CNTN5: variants seen among roughly 807,000 people sequenced by gnomAD.
CNTN5 encodes the protein contactin-5.
CNTN5 carries 77 observed loss-of-function variants against 129.1 expected under a neutral mutation model. The observed-to-expected ratio is 0.60, with a 90% CI of 0.50 to 0.72. CNTN5 has a LOEUF of 0.72. Among genes scored for constraint, CNTN5 ranks in the 30% least tolerant of loss-of-function variants. The probability of loss-of-function intolerance (pLI) is 0.00; values close to 1 mark genes in which losing one functional copy is unlikely to be tolerated. For missense variants in CNTN5, 1,478 were observed against 1,328.8 expected (o/e 1.11, Z -1.75); for synonymous variants, 509 against 465.6 (o/e 1.09, Z -1.20).
intron 6 of CNTN5, among the ~76,000 whole-genome samples, chr11:99,867,658 C>G (rs1591336486): frequency 6.6e-6 from 1 of 152,122 alleles, no homozygotes; most frequent in Non-Finnish European, 1.5e-5. Flanking sequence ...TCTGCCTCCC[C>G]CTTCTACTTT....
At chr11:100,153,165 C>G (rs1005185036) in intron 13 of CNTN5, among the ~76,000 whole-genome samples, 6 of 152,090 alleles carry the variant, frequency 3.9e-5, no homozygotes, top group Non-Finnish European at 2.9e-5. Flanking sequence ...AAACTCTAAT[C>G]AGCAAAATCG....
At chr11:99,349,424 A>G (rs1467175289) in intron 2 of CNTN5, among the ~76,000 whole-genome samples, 1 of 152,202 alleles carries the variant, frequency 6.6e-6, no homozygotes, top group Admixed American at 6.5e-5. Context: ...CATTTATGAC[A>G]GATTTTTTTC....
chr11:100,011,513 G>T lies in CNTN5; in HGVS notation c.980+9377G>T, dbSNP rs530898400. 4.6e-4 allele frequency among the ~76,000 whole-genome samples: 70 copies of T among 152,126 alleles called. 3 individuals are homozygous for T. The South Asian group carries it at 0.013, about 28-fold the overall frequency. On this transcript the variant is annotated intron_variant, in intron 9 of 24. Transcript: ENST00000524871. ...CAGCCATTAACACACAATCAGATCT[G>T]CTCTGCTCAAAAGGCCTTGAACCTG...
chr11:100,286,977 G>C (rs1280846064), intron 18 of CNTN5, among the ~76,000 whole-genome samples: 1 of 152,090 alleles, frequency 6.6e-6, no homozygotes. Flanking sequence ...CTCAGGAGCC[G>C]ATGTGATCAA....
intron 1 of CNTN5, among the ~76,000 whole-genome samples, chr11:99,262,725 G>A (rs1358073622): frequency 6.7e-6 from 1 of 149,156 alleles, no homozygotes; most frequent in African/African-American, 2.5e-5. Flanking sequence ...GTTTTATTCT[G>A]CTTTGTTTTT....
At chr11:99,614,787 A>G (rs369204004) in intron 3 of CNTN5, among the ~76,000 whole-genome samples, 5 of 151,922 alleles carry the variant, frequency 3.3e-5, no homozygotes, top group Non-Finnish European at 5.9e-5. Flanking sequence ...ATTTTTTTTT[A>G]TTGTACCCCA....
intron 1 of CNTN5, among the ~76,000 whole-genome samples, chr11:99,067,992 A>G (rs1309943406): frequency 6.6e-6 from 1 of 152,034 alleles, no homozygotes; most frequent in Non-Finnish European, 1.5e-5. Context: ...TGGTTTTATA[A>G]GGGTTTGGTA....
chr11:99,578,697 T>G (rs1422772211), intron 3 of CNTN5, among the ~76,000 whole-genome samples: 1 of 151,212 alleles, frequency 6.6e-6, no homozygotes, highest in Non-Finnish European at 1.5e-5. Flanking sequence ...TCTTGTAAAT[T>G]TGTTTGAGTT....
chr11:99,628,189 T>C (rs1160734662), intron 3 of CNTN5, among the ~76,000 whole-genome samples: 2 of 151,978 alleles, frequency 1.3e-5, no homozygotes, highest in African/African-American at 4.8e-5. Context: ...TAATTTATCA[T>C]CATTATCACT....
At chr11:99,151,531 G>T (rs80335557) in intron 1 of CNTN5, among the ~76,000 whole-genome samples, 1 of 151,942 alleles carries the variant, frequency 6.6e-6, no homozygotes, top group Non-Finnish European at 1.5e-5. Context: ...AATATTTTCC[G>T]GTAATACAGT....
intron 3 of CNTN5, among the ~76,000 whole-genome samples, chr11:99,601,125 T>A (rs117458071): frequency 0.041 from 6,273 of 152,328 alleles, 167 homozygotes; most frequent in South Asian, 0.088. Context: ...TAATAAGTAT[T>A]TGTTAAATAA....
intron 2 of CNTN5, among the ~76,000 whole-genome samples, chr11:99,493,932 TA>T (rs1946130738): frequency 6.6e-6 from 1 of 152,322 alleles, no homozygotes; most frequent in Non-Finnish European, 1.5e-5. Flanking sequence ...GAATTGGAAT[TA>T]AAATTAAATT....
At chr11:100,250,045 A>G (rs1480929587) in intron 16 of CNTN5, among the ~76,000 whole-genome samples, 1 of 152,092 alleles carries the variant, frequency 6.6e-6, no homozygotes, top group Non-Finnish European at 1.5e-5. Flanking sequence ...TATGTTCATA[A>G]AAGTATTTCA....
At chr11:99,798,717 T>A (rs1247392757) in intron 3 of CNTN5, among the ~76,000 whole-genome samples, 1 of 152,154 alleles carries the variant, frequency 6.6e-6, no homozygotes, top group Non-Finnish European at 1.5e-5. Context: ...AGTTTTGTTC[T>A]TTTTGCTTGT....
At chr11:99,609,450 C>A (rs914878592) in intron 3 of CNTN5, among the ~76,000 whole-genome samples, 2 of 152,054 alleles carry the variant, frequency 1.3e-5, no homozygotes, top group South Asian at 2.1e-4. Context: ...GGTTCTTTTT[C>A]TTTTCATAAG....
chr11:99,106,366 A>G (rs933265237), intron 1 of CNTN5, among the ~76,000 whole-genome samples: 3 of 152,110 alleles, frequency 2.0e-5, no homozygotes, highest in African/African-American at 7.2e-5. Context: ...AGAACATGTT[A>G]ATGGTTTGGC....
chr11:99,230,940 T>C (rs955036396), intron 1 of CNTN5, among the ~76,000 whole-genome samples: 1 of 152,188 alleles, frequency 6.6e-6, no homozygotes, highest in East Asian at 1.9e-4. Context: ...TTGCTGAGGA[T>C]AGTGGCTTCC....
At chr11:99,563,875 T>C (rs574604093) in intron 3 of CNTN5, among the ~76,000 whole-genome samples, 7 of 152,172 alleles carry the variant, frequency 4.6e-5, no homozygotes, top group East Asian at 1.9e-4. Flanking sequence ...TAATATTTCA[T>C]TGGACAAAGC....
At chr11:100,269,868 A>C (rs1950375987) in intron 17 of CNTN5, among the ~76,000 whole-genome samples, 1 of 152,088 alleles carries the variant, frequency 6.6e-6, no homozygotes, top group Admixed American at 6.5e-5. Context: ...AGTGTTGGTG[A>C]TACAGTGTAG....
Sources: allele counts gnomAD v4.1 joint callset (sites outside exome capture counted in the v4.1 genomes callset), GRCh38; gene constraint gnomAD v4.1.1; transcripts MANE v1.5; gene names NCBI Gene and HGNC (gene_info 2026-07-23, HGNC 2026-07-21).